The following ESRRG variants were observed in gnomAD, a reference collection of about 807,000 sequenced individuals.
The protein encoded by ESRRG is estrogen-related receptor gamma.
ESRRG carries 13 observed loss-of-function variants against 44.0 expected under a neutral mutation model. That is an observed-to-expected ratio of 0.30 (90% CI 0.19 to 0.47). The LOEUF is 0.47. Among genes scored for constraint, ESRRG ranks in the 20% least tolerant of loss-of-function variants. ESRRG has a pLI of 1.00. For missense variants in ESRRG, 395 were observed against 580.6 expected (o/e 0.68, Z 3.29); for synonymous variants, 215 against 214.6 (o/e 1.00, Z -0.02).
chr1:216,539,871 A>G (rs1022861382), intron 5 of ESRRG, among the ~76,000 whole-genome samples: 1 of 152,082 alleles, frequency 6.6e-6, no homozygotes, highest in African/African-American at 2.4e-5. Context: ...GAGATGTAAA[A>G]ATACATACAA....
At chr1:217,028,249 T>C (rs1030043668) in intron 1 of ESRRG, among the ~76,000 whole-genome samples, 13 of 152,166 alleles carry the variant, frequency 8.5e-5, no homozygotes, top group Non-Finnish European at 1.5e-4. Context: ...TCTCCATGTA[T>C]AGACCTGGAA....
Position 216,519,242 on chromosome 1 carries a change from C to T in ESRRG, c.1042G>A (p.Ala348Thr). 6.2e-7 allele frequency: 1 copy of T among 1,613,658 alleles called. No individual in the cohort carries two copies. Among genetic ancestry groups the T allele is most frequent in the Non-Finnish European group, 8.5e-7 (1 of 1,179,670 alleles). The change falls in exon 6 of 7, where the codon GCT (alanine) becomes ACT (threonine). Residue 348 changes from alanine (A) to threonine (T), a missense_variant. By Grantham distance (58) the Ala-to-Thr change is moderately conservative. Around this residue, in one of 5 missense-constraint regions of ESRRG, gnomAD observed 167 missense variants for 251.8 expected, o/e 0.66. Transcript: ENST00000408911. The stretch of plus-strand genomic sequence containing the variant: ...TATTTCTTTACCAGCTGCAGGATAG[C>T]ATTATTTAGATCAAGAAGGCCTGCT... ...KLAGLLDLNNAILQLVKKYKS... is the reference protein window; with the variant it reads ...KLAGLLDLNNTILQLVKKYKS...
intron 1 of ESRRG, among the ~76,000 whole-genome samples, chr1:217,041,072 G>C (rs1175491064): frequency 6.6e-6 from 1 of 152,018 alleles, no homozygotes; most frequent in Admixed American, 6.6e-5. Flanking sequence ...TTCCTTTCCT[G>C]CTCCCCAATC....
chr1:217,019,749 C>A (rs545661898), intron 1 of ESRRG, among the ~76,000 whole-genome samples: 6 of 152,302 alleles, frequency 3.9e-5, no homozygotes, highest in African/African-American at 1.4e-4. Context: ...AGAGCAGAGT[C>A]ATCCCCAGGT....
chr1:216,871,672 T>C (rs1242493538), intron 2 of ESRRG, among the ~76,000 whole-genome samples: 1 of 152,086 alleles, frequency 6.6e-6, no homozygotes, highest in Non-Finnish European at 1.5e-5. Flanking sequence ...AATTGTTACA[T>C]ATGCTTGGTG....
At chr1:216,661,043 A>G (rs1363809672) in intron 2 of ESRRG, among the ~76,000 whole-genome samples, 2 of 152,242 alleles carry the variant, frequency 1.3e-5, no homozygotes, top group African/African-American at 2.4e-5. Context: ...TATAATAAAA[A>G]TACATTGGTG....
intron 5 of ESRRG, among the ~76,000 whole-genome samples, chr1:216,561,459 C>T (rs193125453): frequency 2.0e-4 from 30 of 152,150 alleles, no homozygotes; most frequent in African/African-American, 4.1e-4. Flanking sequence ...GCTTTAATTC[C>T]GGCTATGACC....
chr1:216,724,174 T>C (rs1313409664), upstream of ESRRG, among the ~76,000 whole-genome samples: 1 of 152,148 alleles, frequency 6.6e-6, no homozygotes, highest in Admixed American at 6.5e-5. Flanking sequence ...GTAAATTATA[T>C]GTGTAAACCT....
intron 1 of ESRRG, among the ~76,000 whole-genome samples, chr1:217,020,292 G>A (rs1218115607): frequency 2.6e-5 from 4 of 152,150 alleles, no homozygotes; most frequent in African/African-American, 9.7e-5. Context: ...CAAATTTGCA[G>A]AACTTCTGGG....
upstream of ESRRG, among the ~76,000 whole-genome samples, chr1:216,726,989 C>G (rs2087661423): frequency 1.3e-5 from 2 of 152,264 alleles, no homozygotes; most frequent in South Asian, 4.1e-4. Context: ...TCTTATGTTG[C>G]TAGAAGGTGA....
At chr1:217,104,945 G>A (rs1367475644) in intron 1 of ESRRG, among the ~76,000 whole-genome samples, 1 of 152,154 alleles carries the variant, frequency 6.6e-6, no homozygotes, top group African/African-American at 2.4e-5. Context: ...TTCATCTCTA[G>A]GAAAGAGCAT....
At chr1:216,688,963 A>G (rs991206258) in intron 1 of ESRRG, among the ~76,000 whole-genome samples, 4 of 152,206 alleles carry the variant, frequency 2.6e-5, no homozygotes, top group African/African-American at 4.8e-5. Context: ...CTTAAAATAC[A>G]GAGATGCATA....
At chr1:216,732,220 G>A (rs1338074774) in intron 2 of ESRRG, among the ~76,000 whole-genome samples, 2 of 151,474 alleles carry the variant, frequency 1.3e-5, no homozygotes, top group African/African-American at 4.9e-5. Flanking sequence ...TTTCACACGT[G>A]CTCCTTTTGT....
At chr1:216,647,182 T>G (rs1249752777) in intron 3 of ESRRG, among the ~76,000 whole-genome samples, 1 of 151,996 alleles carries the variant, frequency 6.6e-6, no homozygotes, top group African/African-American at 2.4e-5. Context: ...TTCCTTCAAA[T>G]AAGCAATACC....
chr1:216,986,043 G>T (rs962990616), intron 1 of ESRRG, among the ~76,000 whole-genome samples: 1 of 152,062 alleles, frequency 6.6e-6, no homozygotes, highest in African/African-American at 2.4e-5. Context: ...TCTTCTCAAG[G>T]CCCTGTGTAC....
intron 1 of ESRRG, among the ~76,000 whole-genome samples, chr1:217,107,291 A>T (rs575805052): frequency 6.6e-6 from 1 of 152,368 alleles, no homozygotes; most frequent in East Asian, 1.9e-4. Context: ...TAGATTCTGC[A>T]TGATTCCAAC....
chr1:216,619,876 A>G (rs933268212), intron 3 of ESRRG, among the ~76,000 whole-genome samples: 1 of 152,206 alleles, frequency 6.6e-6, no homozygotes, highest in African/African-American at 2.4e-5. Context: ...ATGCCTTAAA[A>G]TGTTTTCAAA....
upstream of ESRRG, among the ~76,000 whole-genome samples, chr1:216,728,135 C>A (rs138506762): frequency 4.3e-3 from 661 of 152,248 alleles, 4 homozygotes; most frequent in African/African-American, 0.014. Context: ...CAGTATCCTA[C>A]AAGCTTTCTA....
intron 5 of ESRRG, among the ~76,000 whole-genome samples, chr1:216,561,693 G>A (rs1327999463): frequency 6.7e-6 from 1 of 148,322 alleles, no homozygotes; most frequent in Non-Finnish European, 1.5e-5. Context: ...GTATGGCATA[G>A]GTATTATTAA....
Sources: allele counts gnomAD v4.1 joint callset (sites outside exome capture counted in the v4.1 genomes callset), GRCh38; gene constraint gnomAD v4.1.1; regional missense constraint gnomAD v4.1.1; transcripts MANE v1.5; gene names NCBI Gene and HGNC (gene_info 2026-07-23, HGNC 2026-07-21).